The following WWOX variants were observed in gnomAD, a reference collection of about 807,000 sequenced individuals.
WWOX encodes WW domain containing oxidoreductase.
WWOX carries 69 observed loss-of-function variants against 46.2 expected under a neutral mutation model. The observed-to-expected ratio is 1.49, with a 90% CI of 1.23 to 1.82. The LOEUF is 1.82. Ranked by LOEUF, WWOX falls within the 40% of genes most tolerant of loss-of-function variation. The probability of loss-of-function intolerance (pLI) is 0.00; values close to 1 mark genes in which losing one functional copy is unlikely to be tolerated. For missense variants in WWOX, 919 were observed against 542.6 expected (o/e 1.69, Z -6.89); for synonymous variants, 359 against 202.6 (o/e 1.77, Z -6.56).
Position 78,345,047 on chromosome 16 carries a change from C to T in WWOX, c.517-41813C>T, listed in dbSNP as rs940691896. The stretch of plus-strand genomic sequence containing the variant: ...TAAGATGGTTGTGGAAAGTATTGTG[C>T]GTCATGGACCTAAAGTACCTAGGAG... On this transcript the variant is annotated intron_variant, in intron 5 of 8. Transcript: ENST00000566780. Among the ~76,000 whole-genome samples, 9 of 119,308 alleles carry T rather than the reference C, an allele frequency of 7.5e-5. 4 individuals carry two copies. The highest frequency in any genetic ancestry group is 1.4e-4 in the African/African-American group (5 of 35,086). The allele number at this position is 119,308 out of a possible 152,430, so 78.3% of individuals were successfully genotyped here. A position where few individuals can be genotyped will look rare whatever the true frequency, so the allele number is the denominator to read the frequency against.
chr16:78,203,112 C>G (rs1001204278), intron 5 of WWOX, among the ~76,000 whole-genome samples: 4 of 152,096 alleles, frequency 2.6e-5, no homozygotes, highest in Admixed American at 6.5e-5. Flanking sequence ...AAGGGGAGGT[C>G]AAGTAAAGGC....
chr16:78,236,017 C>T (rs982764332), intron 5 of WWOX, among the ~76,000 whole-genome samples: 4 of 152,172 alleles, frequency 2.6e-5, no homozygotes, highest in Admixed American at 1.3e-4. Context: ...AGCAGGAAAG[C>T]AGCCACAGAT....
At chr16:78,386,108 G>T (rs373951909) in intron 5 of WWOX, among the ~76,000 whole-genome samples, 1 of 152,164 alleles carries the variant, frequency 6.6e-6, no homozygotes, top group East Asian at 1.9e-4. Flanking sequence ...GTCAGTTCTT[G>T]TACTCAATTT....
chr16:78,662,358 C>T (rs1420063695), intron 8 of WWOX, among the ~76,000 whole-genome samples: 2 of 152,104 alleles, frequency 1.3e-5, no homozygotes, highest in Non-Finnish European at 2.9e-5. Flanking sequence ...AATAAGAGAG[C>T]GCAATGAGAC....
chr16:78,750,661 A>C (rs2049454095), intron 8 of WWOX, among the ~76,000 whole-genome samples: 1 of 151,864 alleles, frequency 6.6e-6, no homozygotes, highest in Non-Finnish European at 1.5e-5. Context: ...CCCCCTTTTG[A>C]AGTCCCCAGA....
chr16:78,580,722 A>C (rs1024462987), intron 8 of WWOX, among the ~76,000 whole-genome samples: 7 of 152,222 alleles, frequency 4.6e-5, no homozygotes, highest in Non-Finnish European at 8.8e-5. Context: ...CGAATACTGC[A>C]GTGGTGAGAA....
intron 5 of WWOX, among the ~76,000 whole-genome samples, chr16:78,303,061 C>A (rs2080069565): frequency 6.6e-6 from 1 of 152,172 alleles, no homozygotes; most frequent in South Asian, 2.1e-4. Flanking sequence ...GCTGGTTTTC[C>A]CTTTAAAACA....
intron 8 of WWOX, among the ~76,000 whole-genome samples, chr16:78,441,066 C>T (rs1007137969): frequency 2.0e-5 from 3 of 152,222 alleles, no homozygotes; most frequent in African/African-American, 7.2e-5. Flanking sequence ...TGTCAGCCTC[C>T]TGAGTAGCTG....
chr16:78,301,102 C>G (rs1404702812), intron 5 of WWOX, among the ~76,000 whole-genome samples: 1 of 152,282 alleles, frequency 6.6e-6, no homozygotes, highest in African/African-American at 2.4e-5. Context: ...CTTTGGCTGG[C>G]ATCTCCTAAA....
At chr16:78,900,918 T>C (rs922377485) in intron 8 of WWOX, among the ~76,000 whole-genome samples, 1 of 152,020 alleles carries the variant, frequency 6.6e-6, no homozygotes, top group Non-Finnish European at 1.5e-5. Context: ...TCCCATATTC[T>C]CTTTAATGTT....
intron 8 of WWOX, among the ~76,000 whole-genome samples, chr16:79,085,185 G>T (rs1312252343): frequency 6.6e-6 from 1 of 152,124 alleles, no homozygotes; most frequent in African/African-American, 2.4e-5. Context: ...TACCATTTCT[G>T]TCTTTGTCTC....
intron 5 of WWOX, among the ~76,000 whole-genome samples, chr16:78,367,632 G>A (rs1452416182): frequency 1.3e-5 from 2 of 152,176 alleles, no homozygotes; most frequent in African/African-American, 2.4e-5. Flanking sequence ...AATCTCCTGG[G>A]CTCAGGGATA....
At chr16:79,072,485 A>T (rs2048569982) in intron 8 of WWOX, among the ~76,000 whole-genome samples, 1 of 152,180 alleles carries the variant, frequency 6.6e-6, no homozygotes, top group African/African-American at 2.4e-5. Context: ...ATGTGGTAAG[A>T]GTTTATTTCT....
At chr16:79,025,496 G>C (rs1045019291) in intron 8 of WWOX, among the ~76,000 whole-genome samples, 1 of 152,134 alleles carries the variant, frequency 6.6e-6, no homozygotes, top group Non-Finnish European at 1.5e-5. Flanking sequence ...TGAAGGTAGA[G>C]ACTGAGATCG....
intron 8 of WWOX, among the ~76,000 whole-genome samples, chr16:79,184,310 T>G (rs1468254691): frequency 1.3e-5 from 2 of 152,166 alleles, no homozygotes; most frequent in Non-Finnish European, 2.9e-5. Context: ...TACCATTCAT[T>G]TATTCAACAA....
intron 6 of WWOX, among the ~76,000 whole-genome samples, chr16:78,411,184 C>T (rs2082672157): frequency 6.6e-6 from 1 of 152,096 alleles, no homozygotes. Flanking sequence ...GGGGATTACA[C>T]AAAAGTATGA....
rs565218645 is a variant in WWOX, at chr16:78,283,014, C to G, written c.517-103846C>G. ...CAGCAGAGTTGGTCCTGACTGAGAC[C>G]AGGGCCTGGCTGACCTATGGCAGTC... On this transcript the variant is annotated intron_variant, in intron 5 of 8. Coordinates refer to ENST00000566780, the MANE Select transcript of WWOX (RefSeq NM_016373.4). Among the ~76,000 whole-genome samples the G allele has an allele frequency of 9.9e-5, 15 of 152,108 alleles. No homozygotes were observed. In the South Asian group the frequency reaches 2.9e-3, roughly 29 times the overall value.
At chr16:78,578,744 A>G (rs2044971161) in intron 8 of WWOX, among the ~76,000 whole-genome samples, 1 of 152,188 alleles carries the variant, frequency 6.6e-6, no homozygotes, top group Admixed American at 6.5e-5. Flanking sequence ...CATAACAAGT[A>G]AATGGAAATG....
chr16:78,725,474 G>C (rs1597497660), intron 8 of WWOX, among the ~76,000 whole-genome samples: 1 of 147,874 alleles, frequency 6.8e-6, no homozygotes, highest in South Asian at 2.2e-4. Flanking sequence ...CAGCCTCCCA[G>C]GTAGCTGGGA....
Sources: gnomAD v4.1 joint callset for allele counts (sites outside exome capture counted in the v4.1 genomes callset) on GRCh38, gnomAD v4.1.1 for gene constraint, MANE v1.5 for transcripts, NCBI Gene and HGNC (gene_info 2026-07-23, HGNC 2026-07-21) for gene names.